The following SLIT3 variants were observed in gnomAD, a reference collection of about 807,000 sequenced individuals.
SLIT3 encodes the protein slit guidance ligand 3, also known as slit homolog 3 protein.
A neutral mutation model predicts 184.0 loss-of-function variants in SLIT3; 68 were observed. The observed-to-expected ratio is 0.37, with a 90% CI of 0.30 to 0.45. SLIT3 has a LOEUF of 0.45. Among genes scored for constraint, SLIT3 ranks in the 20% least tolerant of loss-of-function variants. The probability of loss-of-function intolerance (pLI) is 1.00; values close to 1 mark genes in which losing one functional copy is unlikely to be tolerated. For missense variants in SLIT3, 1,707 were observed against 2,026.0 expected, an observed-to-expected ratio of 0.84 and a Z score of 3.02; for synonymous variants, 831 against 828.6, an observed-to-expected ratio of 1.00 and a Z score of -0.05.
intron 32 of SLIT3, among the ~76,000 whole-genome samples, chr5:168,673,678 G>A (rs1336808952): frequency 6.6e-6 from 1 of 152,182 alleles, no homozygotes; most frequent in African/African-American, 2.4e-5. Context: ...TATAAGCACA[G>A]TGCAGTTGTC....
At chr5:168,739,093 G>A (rs1334096783) in intron 20 of SLIT3, among the ~76,000 whole-genome samples, 4 of 152,158 alleles carry the variant, frequency 2.6e-5, no homozygotes, top group Non-Finnish European at 5.9e-5. Context: ...GATCAGCGGT[G>A]ATATCAAAGG....
chr5:168,940,541 G>C (rs1451396336), intron 4 of SLIT3, among the ~76,000 whole-genome samples: 1 of 151,780 alleles, frequency 6.6e-6, no homozygotes, highest in Non-Finnish European at 1.5e-5. Flanking sequence ...AGAGCAACTA[G>C]AGTCTTCAGA....
intron 20 of SLIT3, among the ~76,000 whole-genome samples, chr5:168,735,509 T>G (rs1383566169): frequency 6.6e-6 from 1 of 152,144 alleles, no homozygotes; most frequent in East Asian, 1.9e-4. Context: ...TTACATTTAG[T>G]CACCTGTAAA....
At chr5:169,203,949 T>C (rs1347090991) in intron 3 of SLIT3, among the ~76,000 whole-genome samples, 1 of 152,106 alleles carries the variant, frequency 6.6e-6, no homozygotes, top group Non-Finnish European at 1.5e-5. Flanking sequence ...CAACAGATGA[T>C]TGGATATACA....
At chr5:168,736,995 T>C (rs1763457954) in intron 20 of SLIT3, among the ~76,000 whole-genome samples, 1 of 152,216 alleles carries the variant, frequency 6.6e-6, no homozygotes, top group Admixed American at 6.5e-5. Context: ...TGAGATTACC[T>C]ATTAAGAAAA....
intron 4 of SLIT3, among the ~76,000 whole-genome samples, chr5:168,952,965 G>C (rs1762709288): frequency 6.6e-6 from 1 of 152,194 alleles, no homozygotes; most frequent in Non-Finnish European, 1.5e-5. Context: ...GGTGAAGGGG[G>C]TTCTGGCTAA....
At chr5:169,218,518 G>A (rs1764518630) in intron 3 of SLIT3, among the ~76,000 whole-genome samples, 1 of 152,206 alleles carries the variant, frequency 6.6e-6, no homozygotes, top group African/African-American at 2.4e-5. Context: ...CACATCTCCA[G>A]GTGACTGGCG....
chr5:168,812,497 T>C (rs138616892), intron 8 of SLIT3, among the ~76,000 whole-genome samples: 178 of 152,194 alleles, frequency 1.2e-3, no homozygotes, highest in Middle Eastern at 3.4e-3. Flanking sequence ...CAAAACAAAA[T>C]AAAAAAATTT....
chr5:169,245,830 T>C (rs1032056893), intron 2 of SLIT3, among the ~76,000 whole-genome samples: 1 of 152,216 alleles, frequency 6.6e-6, no homozygotes, highest in African/African-American at 2.4e-5. Context: ...CTTCTCAGCC[T>C]TAACACTTGG....
intron 4 of SLIT3, among the ~76,000 whole-genome samples, chr5:169,066,763 TAATAC>T (rs1436455216): frequency 6.6e-6 from 1 of 152,160 alleles, no homozygotes. Context: ...GCTTACAATA[TAATAC>T]AAGTCTTAAA....
chr5:169,179,281 T>TTC (rs944041584), intron 4 of SLIT3, among the ~76,000 whole-genome samples: 8 of 133,288 alleles, frequency 6.0e-5, no homozygotes, highest in Non-Finnish European at 1.2e-4. Flanking sequence ...TTTTTCTTTT[T>TTC]TTTTTTTTTT....
intron 12 of SLIT3, 122 bp from the exon 13 acceptor site, chr5:168,774,500 C>T: frequency 9.5e-7 from 1 of 1,054,396 alleles, no homozygotes. Flanking sequence ...CCTTGAGCTC[C>T]TGCTGCAGAA....
chr5:168,846,266 C>T (rs1359640917), intron 5 of SLIT3, among the ~76,000 whole-genome samples: 2 of 152,118 alleles, frequency 1.3e-5, no homozygotes, highest in Non-Finnish European at 2.9e-5. Flanking sequence ...TCTCGAGAAG[C>T]AGAAGCACAT....
At chr5:168,890,996 A>C (rs975521191) in intron 4 of SLIT3, among the ~76,000 whole-genome samples, 1 of 152,252 alleles carries the variant, frequency 6.6e-6, no homozygotes, top group African/African-American at 2.4e-5. Flanking sequence ...TAAGAGCACC[A>C]GTTCAATTCT....
intron 4 of SLIT3, among the ~76,000 whole-genome samples, chr5:169,052,942 G>A (rs1393643175): frequency 6.6e-6 from 1 of 152,080 alleles, no homozygotes; most frequent in Non-Finnish European, 1.5e-5. Context: ...CAGGTAAACA[G>A]GCTGAAAGGC....
At chr5:169,083,894 C>T (rs1410768968) in intron 4 of SLIT3, among the ~76,000 whole-genome samples, 1 of 152,182 alleles carries the variant, frequency 6.6e-6, no homozygotes, top group Non-Finnish European at 1.5e-5. Flanking sequence ...CAAATTGTCC[C>T]TCGTGGTTAG....
chr5:169,099,680 A>G (rs989837206), intron 4 of SLIT3, among the ~76,000 whole-genome samples: 2 of 152,136 alleles, frequency 1.3e-5, no homozygotes, highest in Non-Finnish European at 2.9e-5. Context: ...CTTAGTCCCA[A>G]CCATGCCATA....
intron 9 of SLIT3, among the ~76,000 whole-genome samples, chr5:168,798,277 G>A (rs12519585): frequency 0.49 from 70,679 of 145,382 alleles, 17,578 homozygotes; most frequent in Middle Eastern, 0.7. Context: ...AGGCTAGAGT[G>A]CAGTGGTGTG....
At chr5:169,060,009 A>G (rs947831207) in intron 4 of SLIT3, among the ~76,000 whole-genome samples, 2 of 152,240 alleles carry the variant, frequency 1.3e-5, no homozygotes, top group Non-Finnish European at 1.5e-5. Context: ...ACACAGAAAG[A>G]AGCCAGCCAT....
Sources: gnomAD v4.1 joint callset for allele counts (sites outside exome capture counted in the v4.1 genomes callset) on GRCh38, gnomAD v4.1.1 for gene constraint, MANE v1.5 for transcripts, NCBI Gene and HGNC (gene_info 2026-07-23, HGNC 2026-07-21) for gene names.